The following COLEC10 variants were observed in gnomAD, a reference collection of about 807,000 sequenced individuals.
COLEC10 encodes collectin subfamily member 10.
In COLEC10, 22 loss-of-function variants were observed where a neutral mutation model predicts 28.4. That is an observed-to-expected ratio of 0.78 (90% confidence interval 0.55 to 1.11). COLEC10 has a LOEUF of 1.11. COLEC10 is among the 50% of genes least tolerant of loss of function. The pLI is 0.00. For missense variants in COLEC10, 361 were observed against 344.1 expected (o/e 1.05, Z -0.39); for synonymous variants, 125 against 116.1 (o/e 1.08, Z -0.49).
chr8:118,980,448 C>G, the COLEC10 span, among the ~76,000 whole-genome samples: 1 of 152,020 alleles, frequency 6.6e-6, no homozygotes. Context: ...CGGTCTCTTC[C>G]TCCCAAAGGG....
chr8:119,033,141 G>A (rs1217716789), intron 2 of COLEC10, among the ~76,000 whole-genome samples: 1 of 152,118 alleles, frequency 6.6e-6, no homozygotes, highest in Admixed American at 6.5e-5. Context: ...GAGGGCATGG[G>A]GCTGAACGTA....
chr8:119,099,632 T>C (rs1458748353), intron 3 of COLEC10, among the ~76,000 whole-genome samples: 1 of 150,254 alleles, frequency 6.7e-6, no homozygotes, highest in East Asian at 1.9e-4. Context: ...TGAAAAGAAT[T>C]CATGTCAAAA....
chr8:119,043,218 T>C (rs1814529123), intron 2 of COLEC10, among the ~76,000 whole-genome samples: 2 of 152,244 alleles, frequency 1.3e-5, no homozygotes, highest in African/African-American at 4.8e-5. Flanking sequence ...CCTCCTTTTA[T>C]GTTTTTAATA....
chr8:119,087,971 C>T lies in COLEC10; in HGVS notation c.149-1709C>T, dbSNP rs2130274191. Among the ~76,000 whole-genome samples, 3 of 152,140 alleles carry T rather than the reference C, an allele frequency of 2.0e-5. No homozygotes were observed. The East Asian group carries it at 5.8e-4, about 30-fold the overall frequency. On this transcript the variant is annotated intron_variant, in intron 1 of 5. Coordinates refer to ENST00000332843, the MANE Select transcript of COLEC10 (RefSeq NM_006438.5). The stretch of plus-strand genomic sequence containing the variant: ...TGTCAAGTCCTTAGCTTGTGCTTGG[C>T]TGACTTTATAATTGCTCAATAGACA...
rs1288937543 is a variant in COLEC10 at position 119,091,167 on chromosome 8, G to T, written c.239G>T (p.Gly80Val). Residue 80 changes from glycine (G) to valine (V), a missense_variant, in exon 3 of 6, where the codon GGT (glycine) becomes GTT (valine). By Grantham distance (109) the Gly-to-Val change is moderately radical. This residue lies in a region of COLEC10 where 335 missense variants were observed against 308.5 expected (regional missense o/e 1.09). Coordinates refer to ENST00000332843, the MANE Select transcript of COLEC10 (RefSeq NM_006438.5). Reference protein sequence around the residue: ...MGPKGIKGELGDMGDQGNIGK... With the variant: ...MGPKGIKGELVDMGDQGNIGK... ...TTTTCAGGAATTAAAGGAGAACTGG[G>T]TGATATGGGAGATCAGGGCAATATT... 6.2e-7 allele frequency: 1 copy of T among 1,612,980 alleles called. No homozygotes were observed. The highest frequency in any genetic ancestry group is 8.5e-7 in the Non-Finnish European group (1 of 1,179,320).
At chr8:118,961,656 A>G in the COLEC10 span, among the ~76,000 whole-genome samples, 3 of 152,174 alleles carry the variant, frequency 2.0e-5, no homozygotes, top group East Asian at 5.8e-4. Context: ...AGAGTCTGAC[A>G]CTGGAGTCCT....
chr8:119,099,209 A>G (rs1388216456), intron 3 of COLEC10, among the ~76,000 whole-genome samples: 1 of 152,058 alleles, frequency 6.6e-6, no homozygotes, highest in Non-Finnish European at 1.5e-5. Flanking sequence ...CTCATTGGCC[A>G]AAATCAGTTT....
At chr8:119,100,114 G>A (rs1257399407) in intron 3 of COLEC10, among the ~76,000 whole-genome samples, 2 of 152,252 alleles carry the variant, frequency 1.3e-5, no homozygotes, top group East Asian at 1.9e-4. Flanking sequence ...GATGAGGACT[G>A]CTATTCTTTG....
the COLEC10 span, among the ~76,000 whole-genome samples, chr8:118,973,330 T>A: frequency 6.6e-6 from 1 of 152,012 alleles, no homozygotes; most frequent in Non-Finnish European, 1.5e-5. Context: ...CAGGGTCTTC[T>A]ATAAGACTGC....
At chr8:118,986,624 T>C in the COLEC10 span, among the ~76,000 whole-genome samples, 2 of 152,172 alleles carry the variant, frequency 1.3e-5, no homozygotes, top group African/African-American at 2.4e-5. Flanking sequence ...AGCCAAAATG[T>C]AGAAACAACT....
chr8:119,089,337 G>A (rs1815542987), intron 1 of COLEC10, among the ~76,000 whole-genome samples: 1 of 151,950 alleles, frequency 6.6e-6, no homozygotes, highest in African/African-American at 2.4e-5. Flanking sequence ...GTGTGTGTGT[G>A]TGCGTGTGTG....
intron 2 of COLEC10, among the ~76,000 whole-genome samples, chr8:119,048,540 T>G (rs1814623346): frequency 1.3e-5 from 2 of 152,236 alleles, no homozygotes; most frequent in Admixed American, 6.5e-5. Flanking sequence ...ATGTACATAT[T>G]TAGGATGGTT....
intron 1 of COLEC10, among the ~76,000 whole-genome samples, chr8:119,005,929 T>C (rs1234060461): frequency 1.3e-5 from 2 of 152,128 alleles, no homozygotes; most frequent in Non-Finnish European, 1.5e-5. Flanking sequence ...CCTATTCATA[T>C]AACAGCTCTG....
the COLEC10 span, among the ~76,000 whole-genome samples, chr8:118,953,675 CTAAT>C: frequency 6.6e-6 from 1 of 152,272 alleles, no homozygotes; most frequent in East Asian, 1.9e-4. Flanking sequence ...ATGGTAATCA[CTAAT>C]TATGAGCATT....
the COLEC10 span, among the ~76,000 whole-genome samples, chr8:118,963,307 A>C: frequency 6.6e-6 from 1 of 152,248 alleles, no homozygotes; most frequent in Non-Finnish European, 1.5e-5. Context: ...ACAAATAATT[A>C]TCAGGGCTGA....
intron 2 of COLEC10, among the ~76,000 whole-genome samples, chr8:119,026,262 A>T (rs1353447578): frequency 6.6e-6 from 1 of 152,188 alleles, no homozygotes; most frequent in Admixed American, 6.5e-5. Context: ...AGTGTTTAAA[A>T]TCGTGACAAA....
At position 119,103,744 on chromosome 8, in the gene COLEC10, T is replaced by C. The variant is rs948861888; in HGVS notation, c.347-56T>C. On this transcript the variant is annotated intron_variant, in intron 4 of 5. Coordinates refer to ENST00000332843, the MANE Select transcript of COLEC10 (RefSeq NM_006438.5). The stretch of plus-strand genomic sequence containing the variant: ...ATATTGGAAAGAGAGCAAATGTTCC[T>C]TTCCACTGGTCTGCAGGTACTTCAA... 1.2e-5 allele frequency: 13 copies of C among 1,040,128 alleles called. No homozygotes were observed. The African/African-American group carries it at 1.7e-4, about 14-fold the overall frequency. The allele number at this position is 1,040,128 out of a possible 1,614,324, so 64.4% of individuals were successfully genotyped here. A position where few individuals can be genotyped will look rare whatever the true frequency, so the allele number is the denominator to read the frequency against.
the COLEC10 span, among the ~76,000 whole-genome samples, chr8:118,990,096 G>GA: frequency 2.0e-5 from 3 of 151,784 alleles, no homozygotes; most frequent in Admixed American, 1.3e-4. Context: ...ATCACTAGAG[G>GA]AAAAAAGATA....
chr8:119,023,252 T>C (rs563599450), intron 2 of COLEC10, among the ~76,000 whole-genome samples: 5 of 152,280 alleles, frequency 3.3e-5, no homozygotes, highest in South Asian at 2.1e-4. Context: ...TATTTACTAT[T>C]TATTGTTCAT....
Sources: allele counts gnomAD v4.1 joint callset (sites outside exome capture counted in the v4.1 genomes callset), GRCh38; gene constraint gnomAD v4.1.1; regional missense constraint gnomAD v4.1.1; transcripts MANE v1.5; gene names NCBI Gene and HGNC (gene_info 2026-07-23, HGNC 2026-07-21).